Variants in DPP6 observed in about 807,000 individuals in gnomAD.
DPP6 encodes the protein A-type potassium channel modulatory protein DPP6.
In DPP6, 69 loss-of-function variants were observed where a neutral mutation model predicts 122.6. The ratio of observed to expected loss-of-function variants is 0.56; its 90% CI spans 0.46 to 0.69. DPP6 has a LOEUF of 0.69. Among genes scored for constraint, DPP6 ranks in the 30% least tolerant of loss-of-function variants. The pLI, the probability that DPP6 is intolerant of heterozygous loss-of-function variation, is 0.00. For missense variants in DPP6, 928 were observed against 1,116.9 expected (o/e 0.83, Z 2.41); for synonymous variants, 418 against 433.1 (o/e 0.97, Z 0.43).
chr7:154,053,276 CG>C (rs1336949983), intron 1 of DPP6, among the ~76,000 whole-genome samples: 4 of 151,596 alleles, frequency 2.6e-5, no homozygotes, highest in African/African-American at 9.7e-5. Context: ...CCGCGGCGGC[CG>C]GGAGTTGGTG....
intron 1 of DPP6, among the ~76,000 whole-genome samples, chr7:154,380,171 G>A (rs1813468593): frequency 6.6e-6 from 1 of 152,180 alleles, no homozygotes; most frequent in Non-Finnish European, 1.5e-5. Context: ...TGAAAAAATT[G>A]GGGAATTTGA....
At chr7:153,882,937 T>C (rs1798794271), upstream of DPP6, among the ~76,000 whole-genome samples, 2 of 152,226 alleles carry the variant, frequency 1.3e-5, no homozygotes, top group Non-Finnish European at 2.9e-5. Context: ...AGATTCTATG[T>C]GACCAAACCT....
At chr7:154,036,917 C>T (rs1250199234) in intron 1 of DPP6, among the ~76,000 whole-genome samples, 26 of 152,282 alleles carry the variant, frequency 1.7e-4, no homozygotes, top group Admixed American at 2.0e-4. Context: ...AGCAGGCACA[C>T]GGTGGGTGAG....
intron 8 of DPP6, among the ~76,000 whole-genome samples, chr7:154,750,012 G>A (rs1200281180): frequency 1.3e-5 from 2 of 151,132 alleles, no homozygotes; most frequent in South Asian, 2.1e-4. Flanking sequence ...GGGAAAGAGA[G>A]GGATGGAGGC....
chr7:154,025,018 G>T (rs972525809), intron 1 of DPP6, among the ~76,000 whole-genome samples: 1 of 152,184 alleles, frequency 6.6e-6, no homozygotes, highest in African/African-American at 2.4e-5. Flanking sequence ...CCACAGGCTT[G>T]CCAGTGTCCA....
intron 1 of DPP6, among the ~76,000 whole-genome samples, chr7:154,398,614 T>TTC (rs113385356): frequency 0.033 from 5,042 of 151,700 alleles, 148 homozygotes; most frequent in Middle Eastern, 0.072. Flanking sequence ...CCTTCATATT[T>TTC]TCTCTCTCTC....
At chr7:153,816,940 C>A in the DPP6 span, among the ~76,000 whole-genome samples, 1 of 151,912 alleles carries the variant, frequency 6.6e-6, no homozygotes, top group African/African-American at 2.4e-5. Flanking sequence ...TCAAGACCAG[C>A]GGGAGAGAAA....
intron 1 of DPP6, among the ~76,000 whole-genome samples, chr7:154,304,414 G>T (rs1806117941): frequency 6.6e-6 from 1 of 152,198 alleles, no homozygotes; most frequent in South Asian, 2.1e-4. Flanking sequence ...AGGGGCAGTG[G>T]TACCTGGGTC....
intron 1 of DPP6, among the ~76,000 whole-genome samples, chr7:154,025,233 C>T (rs1052578231): frequency 1.8e-4 from 26 of 148,308 alleles, no homozygotes; most frequent in Admixed American, 1.7e-3. Context: ...GTCAGTTCAG[C>T]TCAGAAGACA....
chr7:154,081,903 T>C (rs1472837567), intron 1 of DPP6, among the ~76,000 whole-genome samples: 1 of 152,206 alleles, frequency 6.6e-6, no homozygotes, highest in East Asian at 1.9e-4. Flanking sequence ...AATGGATGTT[T>C]ACTTTAAGGT....
chr7:153,786,717 C>G, the DPP6 span, among the ~76,000 whole-genome samples: 192 of 120,870 alleles, frequency 1.6e-3, no homozygotes, highest in African/African-American at 6.0e-3. Context: ...CCAGCCTGGG[C>G]GACAGAGCGA....
At chr7:154,295,968 A>G (rs1168487232) in intron 1 of DPP6, among the ~76,000 whole-genome samples, 4 of 141,042 alleles carry the variant, frequency 2.8e-5, no homozygotes, top group Admixed American at 2.2e-4. Flanking sequence ...TTTTTGAGAC[A>G]GAGTCTCTCT....
At chr7:154,254,078 G>T (rs1802513995) in intron 1 of DPP6, among the ~76,000 whole-genome samples, 1 of 152,148 alleles carries the variant, frequency 6.6e-6, no homozygotes, top group Admixed American at 6.5e-5. Flanking sequence ...TAACGCATAG[G>T]GATTACAATT....
chr7:154,887,026 A>G (rs957337496), intron 22 of DPP6, among the ~76,000 whole-genome samples: 1 of 152,250 alleles, frequency 6.6e-6, no homozygotes, highest in Non-Finnish European at 1.5e-5. Context: ...GATTTGTCTG[A>G]TTCAAATGCA....
chr7:153,926,718 A>T (rs1800916847), intron 1 of DPP6, among the ~76,000 whole-genome samples: 1 of 151,698 alleles, frequency 6.6e-6, no homozygotes, highest in Non-Finnish European at 1.5e-5. Flanking sequence ...CAGAGAAATC[A>T]CTTGCCGATT....
intron 1 of DPP6, among the ~76,000 whole-genome samples, chr7:154,108,545 C>T (rs551318745): frequency 1.2e-4 from 18 of 152,312 alleles, no homozygotes; most frequent in African/African-American, 3.4e-4. Flanking sequence ...ATGCCCCATG[C>T]GGTGCCTAGC....
At chr7:154,301,856 C>A (rs1232049727) in intron 1 of DPP6, among the ~76,000 whole-genome samples, 1 of 141,794 alleles carries the variant, frequency 7.1e-6, no homozygotes, top group Non-Finnish European at 1.5e-5. Context: ...CCAGCTCTGT[C>A]ACCCAGGCTG....
chr7:154,444,257 A>G (rs1446677369), intron 1 of DPP6, among the ~76,000 whole-genome samples: 1 of 151,816 alleles, frequency 6.6e-6, no homozygotes, highest in Non-Finnish European at 1.5e-5. Flanking sequence ...GGAGATTAAG[A>G]CCATTCTGGC....
the DPP6 span, among the ~76,000 whole-genome samples, chr7:153,785,416 A>G: frequency 6.6e-6 from 1 of 152,148 alleles, no homozygotes; most frequent in Admixed American, 6.5e-5. Flanking sequence ...TGACTGAATC[A>G]ATTATACACA....
Sources: allele counts gnomAD v4.1 joint callset (sites outside exome capture counted in the v4.1 genomes callset), GRCh38; gene constraint gnomAD v4.1.1; transcripts MANE v1.5; gene names NCBI Gene and HGNC (gene_info 2026-07-23, HGNC 2026-07-21).